Variants in RBFOX1 observed in about 807,000 individuals in gnomAD.
RBFOX1 encodes the protein RNA binding protein fox-1 homolog 1.
A neutral mutation model predicts 57.7 loss-of-function variants in RBFOX1; 8 were observed. The observed-to-expected ratio is 0.14, with a 90% CI of 0.08 to 0.25. RBFOX1 has a LOEUF of 0.25. Ranked by LOEUF, RBFOX1 falls within the 10% of genes least tolerant of loss-of-function variation. The probability of loss-of-function intolerance (pLI) is 1.00; values close to 1 mark genes in which losing one functional copy is unlikely to be tolerated. For missense variants in RBFOX1, 611 were observed against 548.5 expected (o/e 1.11, Z -1.14); for synonymous variants, 326 against 222.4 (o/e 1.47, Z -4.15).
intron 3 of RBFOX1, among the ~76,000 whole-genome samples, chr16:6,774,291 G>C (rs2078958554): frequency 6.6e-6 from 1 of 152,058 alleles, no homozygotes; most frequent in Admixed American, 6.5e-5. Context: ...TCCCTCCCAG[G>C]TGAGATGGTG....
chr16:6,090,750 G>C (rs186324113), intron 1 of RBFOX1, among the ~76,000 whole-genome samples: 21 of 152,206 alleles, frequency 1.4e-4, no homozygotes, highest in African/African-American at 5.1e-4. Context: ...AAACAAATCC[G>C]CTGAATGACT....
intron 3 of RBFOX1, among the ~76,000 whole-genome samples, chr16:7,035,364 C>G (rs1304499648): frequency 6.6e-6 from 1 of 152,160 alleles, no homozygotes; most frequent in Non-Finnish European, 1.5e-5. Flanking sequence ...CTGTGATTAT[C>G]CCTCATGATA....
At chr16:6,630,475 C>G (rs1374658689) in intron 2 of RBFOX1, among the ~76,000 whole-genome samples, 2 of 152,136 alleles carry the variant, frequency 1.3e-5, no homozygotes, top group African/African-American at 4.8e-5. Flanking sequence ...GCACCAGGCA[C>G]TGTTAAAATT....
intron 2 of RBFOX1, among the ~76,000 whole-genome samples, chr16:6,325,441 G>T (rs2082266388): frequency 6.6e-6 from 1 of 152,230 alleles, no homozygotes; most frequent in African/African-American, 2.4e-5. Context: ...CCTATGAGGT[G>T]AAATCTTTGT....
chr16:7,373,828 G>C (rs1443073319), intron 4 of RBFOX1, among the ~76,000 whole-genome samples: 2 of 152,164 alleles, frequency 1.3e-5, no homozygotes, highest in African/African-American at 4.8e-5. Context: ...CAAGAAGATG[G>C]ACACATTCAC....
At chr16:7,095,775 C>A (rs904142504) in intron 4 of RBFOX1, among the ~76,000 whole-genome samples, 4 of 152,138 alleles carry the variant, frequency 2.6e-5, no homozygotes, top group Non-Finnish European at 5.9e-5. Context: ...GTAATCCCAG[C>A]ACTTCGGGAG....
At chr16:6,892,022 C>A (rs1468321235) in intron 3 of RBFOX1, among the ~76,000 whole-genome samples, 1 of 152,118 alleles carries the variant, frequency 6.6e-6, no homozygotes, top group Admixed American at 6.5e-5. Context: ...TCTGTGTTGC[C>A]TACTTAGAAT....
intron 1 of RBFOX1, among the ~76,000 whole-genome samples, chr16:5,287,796 C>T (rs138889516): frequency 3.9e-5 from 6 of 152,306 alleles, no homozygotes; most frequent in Non-Finnish European, 7.3e-5. Context: ...AGACACAGGA[C>T]TAAACCCAAT....
At chr16:6,008,124 G>C (rs1316726959) in intron 4 of RBFOX1, among the ~76,000 whole-genome samples, 1 of 152,150 alleles carries the variant, frequency 6.6e-6, no homozygotes, top group East Asian at 1.9e-4. Flanking sequence ...AGGGTCACTT[G>C]AACCTGGCAG....
intron 1 of RBFOX1, among the ~76,000 whole-genome samples, chr16:5,381,421 G>T (rs1161314725): frequency 6.6e-6 from 1 of 152,224 alleles, no homozygotes; most frequent in Non-Finnish European, 1.5e-5. Flanking sequence ...TAAATCACTT[G>T]GAGATCTGGC....
intron 4 of RBFOX1, among the ~76,000 whole-genome samples, chr16:7,192,292 G>C (rs768481279): frequency 4.6e-5 from 7 of 152,168 alleles, no homozygotes; most frequent in Non-Finnish European, 8.8e-5. Context: ...TTGTGAATCT[G>C]ACGTTAGGGA....
chr16:5,735,073 A>G (rs968561421), intron 3 of RBFOX1, among the ~76,000 whole-genome samples: 2 of 152,236 alleles, frequency 1.3e-5, no homozygotes, highest in African/African-American at 4.8e-5. Flanking sequence ...AATGGGGGCC[A>G]TGCCTTGTGA....
intron 4 of RBFOX1, among the ~76,000 whole-genome samples, chr16:7,089,201 T>G (rs938634938): frequency 1.3e-5 from 2 of 152,162 alleles, no homozygotes; most frequent in African/African-American, 4.8e-5. Context: ...TTATTATTAT[T>G]TTGTCTTCAT....
chr16:6,648,292 C>G (rs2098550039), intron 2 of RBFOX1, among the ~76,000 whole-genome samples: 1 of 152,020 alleles, frequency 6.6e-6, no homozygotes, highest in East Asian at 1.9e-4. Context: ...AACTCCTGGA[C>G]TCAAACGATC....
At chr16:7,004,548 A>C (rs2093130761) in intron 3 of RBFOX1, among the ~76,000 whole-genome samples, 1 of 152,218 alleles carries the variant, frequency 6.6e-6, no homozygotes, top group Non-Finnish European at 1.5e-5. Flanking sequence ...TGTCATGGAC[A>C]CGTCCTAGCT....
At chr16:5,342,889 G>T (rs1357380605) in intron 1 of RBFOX1, among the ~76,000 whole-genome samples, 1 of 151,738 alleles carries the variant, frequency 6.6e-6, no homozygotes, top group African/African-American at 2.4e-5. Context: ...CAGTTTGTGG[G>T]GTATAGGGAG....
At chr16:7,267,297 G>C (rs2095181639) in intron 4 of RBFOX1, among the ~76,000 whole-genome samples, 1 of 152,100 alleles carries the variant, frequency 6.6e-6, no homozygotes, top group Non-Finnish European at 1.5e-5. Flanking sequence ...CACTTTCGGA[G>C]GCCAAAGGGG....
intron 4 of RBFOX1, among the ~76,000 whole-genome samples, chr16:7,369,382 C>T (rs776282074): frequency 2.6e-5 from 4 of 152,144 alleles, no homozygotes; most frequent in South Asian, 2.1e-4. Context: ...GATGGTGTCC[C>T]GCAGACTCTC....
chr16:5,644,840 G>A (rs991837267), intron 3 of RBFOX1, among the ~76,000 whole-genome samples: 10 of 152,148 alleles, frequency 6.6e-5, no homozygotes, highest in African/African-American at 2.4e-4. Flanking sequence ...GAATAATGCC[G>A]CCATGAACGT....
Sources: allele counts gnomAD v4.1 joint callset (sites outside exome capture counted in the v4.1 genomes callset), GRCh38; gene constraint gnomAD v4.1.1; transcripts MANE v1.5; gene names NCBI Gene and HGNC (gene_info 2026-07-23, HGNC 2026-07-21).